The following HAUS6 variants were observed in gnomAD, a reference collection of about 807,000 sequenced individuals.
The protein encoded by HAUS6 is HAUS augmin like complex subunit 6.
Under a neutral mutation model 106.8 loss-of-function variants are expected in HAUS6, and 80 were observed. The ratio of observed to expected loss-of-function variants is 0.75; its 90% CI spans 0.63 to 0.90. The LOEUF (loss-of-function observed/expected upper bound fraction) is 0.90. Among genes scored for constraint, HAUS6 ranks in the 40% least tolerant of loss-of-function variants. The pLI is 0.00. For synonymous variants in HAUS6, 356 were observed against 379.1 expected, an observed-to-expected ratio of 0.94 and a Z score of 0.71; for missense variants, 1,155 against 1,118.1, an observed-to-expected ratio of 1.03 and a Z score of -0.47.
At chr9:19,076,479 T>C (rs1253204788) in intron 11 of HAUS6, 123 bp downstream of exon 11, 1 of 667,840 alleles carries the variant, frequency 1.5e-6, no homozygotes, top group Non-Finnish European at 2.7e-6. Context: ...TTATGTTACA[T>C]GCATTTCACC....
intron 12 of HAUS6, among the ~76,000 whole-genome samples, chr9:19,068,206 G>C (rs916726313): frequency 1.3e-5 from 2 of 152,082 alleles, no homozygotes; most frequent in Non-Finnish European, 2.9e-5. Flanking sequence ...AAAGAACTGT[G>C]ATATGAGTGT....
chr9:19,094,310 T>A lies in HAUS6; in HGVS notation c.303+7A>T, dbSNP rs775012882. 6.5e-7 allele frequency: 1 copy of A among 1,531,954 alleles called. No homozygotes were observed. Among genetic ancestry groups the A allele is most frequent in the Non-Finnish European group, 9.0e-7 (1 of 1,112,502 alleles). 94.9% of individuals were successfully genotyped at this position (1,531,954 alleles called of 1,614,324 possible). A position where few individuals can be genotyped will look rare whatever the true frequency, so the allele number is the denominator to read the frequency against. Reference sequence around the variant, plus strand: ...AGTCTGTATCTTCTAACAAAAAGAATACTTACAGAAATCCTTTTTATCCAT... The same window carrying A: ...AGTCTGTATCTTCTAACAAAAAGAAAACTTACAGAAATCCTTTTTATCCAT... On this transcript the variant is annotated splice_region_variant and intron_variant, in intron 3 of 16. Coordinates refer to ENST00000380502, the MANE Select transcript of HAUS6 (RefSeq NM_017645.5).
intron 1 of HAUS6, among the ~76,000 whole-genome samples, chr9:19,101,149 T>C (rs1221968145): frequency 6.6e-6 from 1 of 152,258 alleles, no homozygotes; most frequent in Non-Finnish European, 1.5e-5. Context: ...CCATTTATCC[T>C]GATCTGATCC....
chr9:19,064,371 G>A (rs1836714412), intron 12 of HAUS6, among the ~76,000 whole-genome samples: 1 of 152,144 alleles, frequency 6.6e-6, no homozygotes, highest in South Asian at 2.1e-4. Context: ...TCACAGTAAT[G>A]TCATAAGGTC....
intron 11 of HAUS6, among the ~76,000 whole-genome samples, chr9:19,074,787 A>G (rs1318566324): frequency 2.6e-5 from 4 of 152,178 alleles, no homozygotes; most frequent in Admixed American, 6.5e-5. Flanking sequence ...GTTTGGCTAT[A>G]AAATTTGTTT....
chr9:19,083,573 C>A (rs1837212750), intron 7 of HAUS6, among the ~76,000 whole-genome samples: 1 of 151,932 alleles, frequency 6.6e-6, no homozygotes, highest in Non-Finnish European at 1.5e-5. Context: ...GAGGCCGAGG[C>A]AAGCAGATCA....
At chr9:19,081,791 C>G (rs1274689384) in intron 8 of HAUS6, among the ~76,000 whole-genome samples, 2 of 152,102 alleles carry the variant, frequency 1.3e-5, no homozygotes, top group African/African-American at 4.8e-5. Flanking sequence ...ATGGGCCAGG[C>G]ACACTGGCTC....
intron 1 of HAUS6, among the ~76,000 whole-genome samples, chr9:19,097,949 T>C (rs924159316): frequency 1.3e-5 from 2 of 152,218 alleles, no homozygotes; most frequent in African/African-American, 4.8e-5. Flanking sequence ...CCTATGCCTA[T>C]CCATTTGTCA....
At position 19,082,947 on chromosome 9, in the gene HAUS6, CA is replaced by C; in HGVS notation, c.795del (p.Tyr265Ter). The C allele has an allele frequency of 6.4e-7, 1 of 1,553,084 alleles. No individual in the cohort carries two copies. ...ATAGCAACATTAGTTCCATCTAAAG[CA>C]TATTGGTTAACAAGACTAAGGACCG... is the stretch of plus-strand genomic sequence containing the variant. ...VSSVLSLVNQ[Y>X]ALDGTNVAIN... is the part of the protein sequence containing the mutation. On this transcript the variant is annotated frameshift_variant, in exon 8 of 17. Coordinates refer to ENST00000380502, the MANE Select transcript of HAUS6 (RefSeq NM_017645.5). LOFTEE classifies it high-confidence loss of function.
chr9:19,094,241 A>C, intron 3 of HAUS6, 76 bp downstream of exon 3: 1 of 791,200 alleles, frequency 1.3e-6, no homozygotes, highest in African/African-American at 1.8e-5. Flanking sequence ...AAAGGATTTC[A>C]CCTCTAAAAA....
At chr9:19,086,072 G>A (rs1837287212) in intron 7 of HAUS6, among the ~76,000 whole-genome samples, 1 of 152,088 alleles carries the variant, frequency 6.6e-6, no homozygotes, top group African/African-American at 2.4e-5. Flanking sequence ...AGCACTTTGG[G>A]AGACTGAGGC....
chr9:19,098,530 T>A (rs1009557600), intron 1 of HAUS6, among the ~76,000 whole-genome samples: 1 of 152,176 alleles, frequency 6.6e-6, no homozygotes. Flanking sequence ...CAATAAATAT[T>A]TGTTGAATGA....
chr9:19,092,373 T>G (rs1474848868), intron 4 of HAUS6, among the ~76,000 whole-genome samples: 1 of 151,574 alleles, frequency 6.6e-6, no homozygotes, highest in African/African-American at 2.4e-5. Context: ...CCTAACACTT[T>G]GGGAGGCCGA....
At chr9:19,096,034 T>A (rs1481357912) in intron 2 of HAUS6, among the ~76,000 whole-genome samples, 1 of 152,196 alleles carries the variant, frequency 6.6e-6, no homozygotes, top group Non-Finnish European at 1.5e-5. Context: ...ATCAAGTTCA[T>A]ACGGATTGAT....
intron 12 of HAUS6, among the ~76,000 whole-genome samples, chr9:19,066,421 A>C (rs1836760922): frequency 6.6e-6 from 1 of 152,196 alleles, no homozygotes; most frequent in Non-Finnish European, 1.5e-5. Flanking sequence ...AAGATATGAG[A>C]CTAGAATTCA....
chr9:19,077,250 T>C (rs1044182097), intron 10 of HAUS6, among the ~76,000 whole-genome samples: 1 of 152,218 alleles, frequency 6.6e-6, no homozygotes, highest in African/African-American at 2.4e-5. Context: ...AGTCTTGTTT[T>C]CTGGCTGGGC....
At chr9:19,080,407 A>C (rs1837114740) in intron 9 of HAUS6, 72 bp downstream of exon 9, 1 of 920,168 alleles carries the variant, frequency 1.1e-6, no homozygotes, top group African/African-American at 1.7e-5. Context: ...AGAGCTATTA[A>C]ACTTATACAA....
At chr9:19,078,792 C>T (rs1330624332) in intron 9 of HAUS6, among the ~76,000 whole-genome samples, 2 of 148,240 alleles carry the variant, frequency 1.3e-5, no homozygotes, top group East Asian at 2.0e-4. Context: ...AGTAAAACTC[C>T]GTCTCAAAAA....
At chr9:19,078,378 T>C in intron 9 of HAUS6, 76 bp from the exon 10 acceptor site, 1 of 829,998 alleles carries the variant, frequency 1.2e-6, no homozygotes, top group Non-Finnish European at 2.0e-6. Flanking sequence ...AAAATAACAA[T>C]AGTTGTAGAG....
Sources: allele counts gnomAD v4.1 joint callset (sites outside exome capture counted in the v4.1 genomes callset), GRCh38; gene constraint gnomAD v4.1.1; transcripts MANE v1.5; gene names NCBI Gene and HGNC (gene_info 2026-07-23, HGNC 2026-07-21).